The following MYO9A variants were observed in gnomAD, a reference collection of about 807,000 sequenced individuals.
The protein encoded by MYO9A is unconventional myosin-IXa.
Under a neutral mutation model 293.3 loss-of-function variants are expected in MYO9A, and 103 were observed. The observed-to-expected ratio is 0.35, with a 90% CI of 0.30 to 0.41. The LOEUF is 0.41. MYO9A is among the 10% of genes least tolerant of loss of function. The pLI, the probability that MYO9A is intolerant of heterozygous loss-of-function variation, is 1.00. For synonymous variants in MYO9A, 1,001 were observed against 1,035.7 expected (o/e 0.97, Z 0.64); for missense variants, 2,685 against 3,033.0 (o/e 0.89, Z 2.69).
Position 71,825,760 on chromosome 15 carries a change from T to TA in MYO9A, c.*819dup, listed in dbSNP as rs1482938812. On this transcript the variant is annotated 3_prime_UTR_variant, in exon 42 of 42. Coordinates refer to ENST00000356056, the MANE Select transcript of MYO9A (RefSeq NM_006901.4). ...AGGGATCACCATGTCTCTGGGAAAC[T>TA]AAAAAATAATGTAGAAGAATCTGAT... The TA allele has an allele frequency of 6.6e-6, 1 of 152,084 alleles. No individual in the cohort carries two copies. Among genetic ancestry groups the TA allele is most frequent in the African/African-American group, 2.4e-5 (1 of 41,402 alleles). 9.4% of individuals were successfully genotyped at this position (152,084 alleles called of 1,614,324 possible). A position where few individuals can be genotyped will look rare whatever the true frequency, so the allele number is the denominator to read the frequency against.
At chr15:72,059,836 G>A (rs940279163) in intron 1 of MYO9A, among the ~76,000 whole-genome samples, 7 of 152,140 alleles carry the variant, frequency 4.6e-5, no homozygotes, top group Non-Finnish European at 8.8e-5. Context: ...AAGACTCAGC[G>A]CTTATTTTTT....
chr15:71,826,345 A>G lies in MYO9A; in HGVS notation c.*235T>C. ...CCCCAGGCCCTAGGTGGCTTTGTAT[A>G]GTAAAAATCTCAATTCAAATACAAC... On this transcript the variant is annotated 3_prime_UTR_variant, in exon 42 of 42. Transcript: ENST00000356056. 1 of 489,378 alleles carries G rather than the reference A, an allele frequency of 2.0e-6. No individual in the cohort carries two copies. Among genetic ancestry groups the G allele is most frequent in the Non-Finnish European group, 3.5e-6 (1 of 282,510 alleles). 30.3% of individuals were successfully genotyped at this position (489,378 alleles called of 1,614,324 possible).
intron 8 of MYO9A, among the ~76,000 whole-genome samples, chr15:72,002,855 A>G (rs2076907494): frequency 6.6e-6 from 1 of 152,234 alleles, no homozygotes. Context: ...TGTTTTCTAT[A>G]TAATATTGTG....
In MYO9A at chr15:71,898,585, C is replaced by A; in HGVS notation, c.3918G>T (p.Trp1306Cys). 1 of 1,614,150 alleles carries A rather than the reference C, an allele frequency of 6.2e-7. No individual in the cohort carries two copies. The highest frequency in any genetic ancestry group is 8.5e-7 in the Non-Finnish European group (1 of 1,180,024). The change falls in exon 25 of 42, where the codon TGG (tryptophan) becomes TGT (cysteine). Residue 1306 changes from tryptophan (W) to cysteine (C), a missense_variant. Transcript: ENST00000356056. ...GGISPSEDRR[W>C]STELVPEGLQ... ...GGCCTTCAGGCACCAATTCTGTAGACCATCTGCGATCCTCTGAAGGAGAAA... is the reference window on the plus strand; with the variant it reads ...GGCCTTCAGGCACCAATTCTGTAGAACATCTGCGATCCTCTGAAGGAGAAA...
chr15:71,829,746 G>T (rs761252423), intron 40 of MYO9A, among the ~76,000 whole-genome samples: 2 of 152,052 alleles, frequency 1.3e-5, no homozygotes, highest in Non-Finnish European at 2.9e-5. Context: ...CATGGAGGCT[G>T]GTCTCCGACC....
At chr15:72,110,435 CAAAAAAAA>C (rs397854173) in intron 1 of MYO9A, among the ~76,000 whole-genome samples, 1 of 45,106 alleles carries the variant, frequency 2.2e-5, no homozygotes, top group East Asian at 5.7e-4. Context: ...GACTCCATCT[CAAAAAAAA>C]AAAAAAAAAA....
chr15:71,927,436 C>T (rs2058341088), intron 18 of MYO9A, among the ~76,000 whole-genome samples: 2 of 152,120 alleles, frequency 1.3e-5, no homozygotes, highest in South Asian at 2.1e-4. Context: ...ACAGCCAGAC[C>T]AATGTCATAG....
chr15:71,981,058 G>GT (rs1302773206), intron 11 of MYO9A, among the ~76,000 whole-genome samples: 2 of 152,044 alleles, frequency 1.3e-5, no homozygotes, highest in African/African-American at 4.8e-5. Flanking sequence ...CGAGATAACT[G>GT]TGTTTTCTCC....
At chr15:72,009,666 C>A (rs780938940) in intron 7 of MYO9A, among the ~76,000 whole-genome samples, 5 of 151,720 alleles carry the variant, frequency 3.3e-5, no homozygotes, top group Non-Finnish European at 7.4e-5. Context: ...AGTGAGCACT[C>A]CAGTCTGGGT....
At chr15:71,967,410 T>A (rs939420909) in intron 13 of MYO9A, among the ~76,000 whole-genome samples, 2 of 152,206 alleles carry the variant, frequency 1.3e-5, no homozygotes, top group African/African-American at 4.8e-5. Context: ...GACACTCGAC[T>A]CAAGACCCAG....
At chr15:71,875,214 A>C (rs947200205) in intron 32 of MYO9A, among the ~76,000 whole-genome samples, 4 of 152,060 alleles carry the variant, frequency 2.6e-5, no homozygotes, top group Non-Finnish European at 5.9e-5. Flanking sequence ...TATATATGAT[A>C]ACATCATATA....
intron 18 of MYO9A, among the ~76,000 whole-genome samples, chr15:71,929,274 CTTTTT>C (rs1256328100): frequency 2.0e-5 from 3 of 152,066 alleles, no homozygotes; most frequent in African/African-American, 7.2e-5. Context: ...CCTTTTATTT[CTTTTT>C]ATTACCTAAT....
chr15:71,880,218 G>A, intron 29 of MYO9A, 117 bp downstream of exon 29: 1 of 876,060 alleles, frequency 1.1e-6, no homozygotes, highest in Non-Finnish European at 1.8e-6. Flanking sequence ...GTAAAGAACA[G>A]ATCATCTAAA....
chr15:71,991,308 A>T, intron 10 of MYO9A, 71 bp from the exon 11 acceptor site: 1 of 1,291,186 alleles, frequency 7.7e-7, no homozygotes, highest in Non-Finnish European at 1.1e-6. Flanking sequence ...TCCACAACAT[A>T]AGTAACAAAA....
chr15:72,044,148 T>C (rs1245196517), intron 2 of MYO9A, among the ~76,000 whole-genome samples: 1 of 152,216 alleles, frequency 6.6e-6, no homozygotes, highest in Non-Finnish European at 1.5e-5. Context: ...GGCTCATGCC[T>C]GTAATCCCAG....
chr15:72,046,369 C>T lies in MYO9A; in HGVS notation c.195G>A (p.Glu65=). 6.2e-7 allele frequency: 1 copy of T among 1,614,002 alleles called. No homozygotes were observed. The highest frequency in any genetic ancestry group is 8.5e-7 in the Non-Finnish European group (1 of 1,179,912). The stretch of plus-strand genomic sequence containing the variant: ...ATTCTTCTCCACCAAATTCCTTTAC[C>T]TCTGCTAGAACATAACATTTTGTTT... The part of the protein sequence containing the change: ...LDKTKCYVLA[E]VKEFGGEEWI... Residue 65 remains glutamate, a synonymous_variant, in exon 2 of 42, where the codon GAG becomes GAA. Transcript: ENST00000356056.
intron 1 of MYO9A, chr15:72,114,224 G>A (rs1423825761): frequency 6.6e-6 from 1 of 152,122 alleles, no homozygotes; most frequent in East Asian, 1.9e-4. Flanking sequence ...TTCCCTCCAA[G>A]TGAAAGAGCC....
intron 18 of MYO9A, among the ~76,000 whole-genome samples, chr15:71,918,985 T>C (rs2058083020): frequency 6.6e-6 from 1 of 152,240 alleles, no homozygotes; most frequent in Non-Finnish European, 1.5e-5. Flanking sequence ...ACTGAATTTG[T>C]AGTTTAAATG....
chr15:72,070,452 CA>C (rs75023888), intron 1 of MYO9A, among the ~76,000 whole-genome samples: 6,678 of 97,386 alleles, frequency 0.069, 212 homozygotes, highest in East Asian at 0.23. Context: ...GACTCTGCCT[CA>C]AAAAAAAAAA....
Sources: allele counts gnomAD v4.1 joint callset (sites outside exome capture counted in the v4.1 genomes callset), GRCh38; gene constraint gnomAD v4.1.1; transcripts MANE v1.5; gene names NCBI Gene and HGNC (gene_info 2026-07-23, HGNC 2026-07-21).